NKAIN2: variants seen among roughly 807,000 people sequenced by gnomAD.
NKAIN2 encodes the protein sodium/potassium-transporting ATPase subunit beta-1-interacting protein 2.
In NKAIN2, 14 loss-of-function variants were observed where a neutral mutation model predicts 32.6. That is an observed-to-expected ratio of 0.43 (90% CI 0.28 to 0.67). The LOEUF (loss-of-function observed/expected upper bound fraction) is 0.67. NKAIN2 is among the 30% of genes least tolerant of loss of function. The probability of loss-of-function intolerance (pLI) is 0.17; values close to 1 mark genes in which losing one functional copy is unlikely to be tolerated. For missense variants in NKAIN2, 198 were observed against 258.3 expected (o/e 0.77, Z 1.60); for synonymous variants, 80 against 87.2 (o/e 0.92, Z 0.46).
chr6:124,070,084 CCTAT>C (rs973932771), intron 1 of NKAIN2, among the ~76,000 whole-genome samples: 3 of 152,148 alleles, frequency 2.0e-5, no homozygotes, highest in Non-Finnish European at 1.5e-5. Context: ...ACTGTCAGCA[CCTAT>C]CTTTCCTTTG....
At chr6:124,815,103 C>T (rs1033888698) in intron 5 of NKAIN2, among the ~76,000 whole-genome samples, 4 of 151,356 alleles carry the variant, frequency 2.6e-5, no homozygotes, top group South Asian at 2.1e-4. Flanking sequence ...AGCTCTAACT[C>T]GGTAAATACC....
chr6:123,877,055 GTTGGCTAAAATTTC>G (rs1199145530), intron 1 of NKAIN2, among the ~76,000 whole-genome samples: 1 of 152,020 alleles, frequency 6.6e-6, no homozygotes, highest in Non-Finnish European at 1.5e-5. Flanking sequence ...GTCTGATACT[GTTGGCTAAAATTTC>G]TAGAAAATTA....
At chr6:124,609,645 C>T (rs1010107974) in intron 3 of NKAIN2, among the ~76,000 whole-genome samples, 2 of 152,072 alleles carry the variant, frequency 1.3e-5, no homozygotes, top group Non-Finnish European at 2.9e-5. Flanking sequence ...CTCCCACTAG[C>T]TTGCCCCCCT....
At chr6:123,873,431 G>A (rs983798521) in intron 1 of NKAIN2, among the ~76,000 whole-genome samples, 2 of 152,156 alleles carry the variant, frequency 1.3e-5, no homozygotes, top group African/African-American at 4.8e-5. Flanking sequence ...TGTAGGCCAT[G>A]GGAAAGAATT....
chr6:124,612,892 A>T (rs766460853), intron 3 of NKAIN2, among the ~76,000 whole-genome samples: 1 of 152,158 alleles, frequency 6.6e-6, no homozygotes, highest in Non-Finnish European at 1.5e-5. Flanking sequence ...TTGGAGGAAC[A>T]TCTGACATTG....
Position 123,910,499 on chromosome 6 carries a change from G to GTTTTTT in NKAIN2, c.54+106263_54+106268dup, listed in dbSNP as rs35165515. 1.9e-3 allele frequency among the ~76,000 whole-genome samples: 151 copies of GTTTTTT among 81,276 alleles called. 4 individuals are homozygous for GTTTTTT. Among genetic ancestry groups the GTTTTTT allele is most frequent in the African/African-American group, 3.5e-3 (70 of 19,910 alleles). The allele number at this position is 81,276 out of a possible 152,430, so 53.3% of individuals were successfully genotyped here. On this transcript the variant is annotated intron_variant, in intron 1 of 6. Transcript: ENST00000368417. The stretch of plus-strand genomic sequence containing the variant: ...TTTGAGGACATTACCTGCAATGCAT[G>GTTTTTT]TTTTTTTTTTTTTTTTTTTTTTTGA...
chr6:123,853,179 A>G (rs913589518), intron 1 of NKAIN2, among the ~76,000 whole-genome samples: 8 of 152,300 alleles, frequency 5.3e-5, no homozygotes, highest in Admixed American at 2.6e-4. Flanking sequence ...GTTTAGCTTT[A>G]TCTTGGAGGA....
intron 1 of NKAIN2, among the ~76,000 whole-genome samples, chr6:123,893,412 G>A (rs1305627005): frequency 6.6e-6 from 1 of 152,082 alleles, no homozygotes; most frequent in Non-Finnish European, 1.5e-5. Context: ...TTGCTACCTT[G>A]CCCAGGCTGG....
intron 1 of NKAIN2, among the ~76,000 whole-genome samples, chr6:123,866,021 T>C (rs550771320): frequency 6.6e-6 from 1 of 152,350 alleles, no homozygotes; most frequent in Non-Finnish European, 1.5e-5. Context: ...AGGGTACCCA[T>C]GAAGGATACC....
At chr6:124,771,122 C>T (rs1338266836) in intron 4 of NKAIN2, among the ~76,000 whole-genome samples, 1 of 152,096 alleles carries the variant, frequency 6.6e-6, no homozygotes. Flanking sequence ...CTAATCCCAA[C>T]GAGAGCTAAC....
At chr6:124,203,871 G>A (rs1279043820) in intron 1 of NKAIN2, among the ~76,000 whole-genome samples, 1 of 151,842 alleles carries the variant, frequency 6.6e-6, no homozygotes, top group East Asian at 1.9e-4. Context: ...AATAAATTGA[G>A]CCCACTTTTA....
chr6:124,573,861 A>G (rs1781228591), intron 3 of NKAIN2, among the ~76,000 whole-genome samples: 1 of 152,194 alleles, frequency 6.6e-6, no homozygotes. Context: ...CTTTATTCAG[A>G]GTCAGGCTGC....
At chr6:124,480,580 G>A (rs1777403641) in intron 3 of NKAIN2, among the ~76,000 whole-genome samples, 2 of 117,352 alleles carry the variant, frequency 1.7e-5, no homozygotes, top group South Asian at 6.2e-4. Flanking sequence ...GTTCCAAGAT[G>A]TTGAGGTATT....
rs149175576 is a variant in NKAIN2 at position 124,562,174 on chromosome 6, A to G, written c.274-96012A>G. ...TTCAGGACTTGAAAATTCATATAAT[A>G]CTGTGGAATAAATGCTGTATATGCT... is the stretch of plus-strand genomic sequence containing the variant. On this transcript the variant is annotated intron_variant, in intron 3 of 6. Coordinates refer to ENST00000368417, the MANE Select transcript of NKAIN2 (RefSeq NM_001040214.3). Among the ~76,000 whole-genome samples the G allele has an allele frequency of 8.8e-3, 1,345 of 152,306 alleles. 12 individuals are homozygous for G. Among genetic ancestry groups the G allele is most frequent in the African/African-American group, 0.03 (1,264 of 41,556 alleles).
At chr6:124,471,108 GAA>G (rs373331725) in intron 3 of NKAIN2, among the ~76,000 whole-genome samples, 53 of 152,270 alleles carry the variant, frequency 3.5e-4, no homozygotes, top group African/African-American at 1.2e-3. Context: ...GGCCTCAACA[GAA>G]AAAGTTTGCC....
intron 1 of NKAIN2, among the ~76,000 whole-genome samples, chr6:123,998,810 CAT>C (rs142017827): frequency 0.048 from 6,129 of 127,342 alleles, 262 homozygotes; most frequent in African/African-American, 0.12. Flanking sequence ...ATGGTATATA[CAT>C]ATATATATAT....
chr6:124,748,943 T>C (rs550873187), intron 4 of NKAIN2, among the ~76,000 whole-genome samples: 1 of 151,924 alleles, frequency 6.6e-6, no homozygotes, highest in South Asian at 2.1e-4. Flanking sequence ...CAACAAAAAT[T>C]TATTGTCTCA....
chr6:124,576,875 G>T (rs1433263672), intron 3 of NKAIN2, among the ~76,000 whole-genome samples: 1 of 152,096 alleles, frequency 6.6e-6, no homozygotes, highest in Non-Finnish European at 1.5e-5. Flanking sequence ...AAAACTGCTA[G>T]AACAAAACAG....
intron 3 of NKAIN2, among the ~76,000 whole-genome samples, chr6:124,469,161 A>G (rs913453553): frequency 9.2e-5 from 14 of 152,170 alleles, no homozygotes; most frequent in African/African-American, 3.4e-4. Flanking sequence ...AATCTTTTCC[A>G]TGATTTTAGT....
Sources: gnomAD v4.1 joint callset for allele counts (sites outside exome capture counted in the v4.1 genomes callset) on GRCh38, gnomAD v4.1.1 for gene constraint, MANE v1.5 for transcripts, NCBI Gene and HGNC (gene_info 2026-07-23, HGNC 2026-07-21) for gene names.